The following B4GALNT3 variants were observed in gnomAD, a reference collection of about 807,000 sequenced individuals.
B4GALNT3 encodes the protein beta-1,4-N-acetylgalactosaminyltransferase 3.
A neutral mutation model predicts 120.2 loss-of-function variants in B4GALNT3; 86 were observed. The ratio of observed to expected loss-of-function variants is 0.72; its 90% confidence interval spans 0.60 to 0.86. The LOEUF is 0.86. Among genes scored for constraint, B4GALNT3 ranks in the 40% least tolerant of loss-of-function variants. The probability of loss-of-function intolerance (pLI) is 0.00; values close to 1 mark genes in which losing one functional copy is unlikely to be tolerated. For synonymous variants in B4GALNT3, 518 were observed against 510.4 expected, an observed-to-expected ratio of 1.01 and a Z score of -0.20; for missense variants, 1,167 against 1,298.9, an observed-to-expected ratio of 0.90 and a Z score of 1.56.
At chr12:522,914 A>G (rs931284296) in intron 1 of B4GALNT3, among the ~76,000 whole-genome samples, 38 of 139,072 alleles carry the variant, frequency 2.7e-4, no homozygotes, top group African/African-American at 9.2e-4. Context: ...TCTGCACTCC[A>G]GCTGGGTGAC....
In B4GALNT3 at chr12:534,344, G is replaced by T. The variant is rs530116228; in HGVS notation, c.170-822G>T. On this transcript the variant is annotated intron_variant, in intron 1 of 19. Transcript: ENST00000266383. ...TATCCAAAGCCCAGCAATCTCCTCT[G>T]AGATGGGAGTCCCAGCCCTCGGGAG... is the stretch of plus-strand genomic sequence containing the variant. Among the ~76,000 whole-genome samples the T allele has an allele frequency of 1.1e-4, 17 of 152,292 alleles. No individual in the cohort carries two copies. In the South Asian group the frequency reaches 3.5e-3, roughly 32 times the overall value.
At position 553,499 on chromosome 12, in the gene B4GALNT3, T is replaced by G. The variant is rs1208167242; in HGVS notation, c.1576T>G (p.Ser526Ala). The change falls in exon 14 of 20, where the codon TCA (serine) becomes GCA (alanine). Residue 526 changes from serine (S) to alanine (A), a missense_variant. Transcript: ENST00000266383. ...QKPSPEPSQD[S>A]PHSDKWPPGH... Reference sequence around the variant, plus strand: ...ACCCAGCCCTGAGCCCAGCCAAGATTCACCTCATTCCGACAAGTGGCCTCC... The same window carrying G: ...ACCCAGCCCTGAGCCCAGCCAAGATGCACCTCATTCCGACAAGTGGCCTCC... The G allele has an allele frequency of 6.2e-7, 1 of 1,614,088 alleles. No homozygotes were observed. Among genetic ancestry groups the G allele is most frequent in the Non-Finnish European group, 8.5e-7 (1 of 1,180,016 alleles).
intron 1 of B4GALNT3, among the ~76,000 whole-genome samples, chr12:514,834 G>C (rs1357915927): frequency 6.6e-6 from 1 of 151,978 alleles, no homozygotes; most frequent in African/African-American, 2.4e-5. Flanking sequence ...CTCGAGACCA[G>C]CCTGGCCAAC....
intron 5 of B4GALNT3, 27 bp from the exon 6 acceptor site, chr12:545,342 C>G (rs771430302): frequency 6.3e-7 from 1 of 1,595,320 alleles, no homozygotes; most frequent in South Asian, 1.1e-5. Flanking sequence ...TCCTTGCCCT[C>G]ATCTGGAAAC....
At chr12:507,922 G>T (rs1188034233) in intron 1 of B4GALNT3, among the ~76,000 whole-genome samples, 3 of 152,132 alleles carry the variant, frequency 2.0e-5, no homozygotes, top group Non-Finnish European at 2.9e-5. Context: ...GTGGACACCT[G>T]CCCCTGGAAA....
intron 1 of B4GALNT3, among the ~76,000 whole-genome samples, chr12:478,273 TTAG>T (rs1946204072): frequency 2.4e-5 from 1 of 42,252 alleles, no homozygotes; most frequent in Non-Finnish European, 4.3e-5. Context: ...AAAAAAAAAA[TTAG>T]AGGAGGTAAA....
intron 7 of B4GALNT3, among the ~76,000 whole-genome samples, chr12:547,655 AC>A: frequency 6.6e-6 from 1 of 152,074 alleles, no homozygotes. Flanking sequence ...CTGGCAGACT[AC>A]CCAAGCCTTC....
rs1168284996 is a variant in B4GALNT3 at position 460,669 on chromosome 12, G to T, written c.169+124G>T. ...TTTCCCACCCATTTCTCCCTCAGGTGCCCGGCGTCGCCCCGCGCGTACTCG... is the reference window on the plus strand; with the variant it reads ...TTTCCCACCCATTTCTCCCTCAGGTTCCCGGCGTCGCCCCGCGCGTACTCG... On this transcript the variant is annotated intron_variant, in intron 1 of 19. Transcript: ENST00000266383. This position sits in a 1 kb window ranked among gnomAD's most constrained non-coding sequence, Gnocchi z 8.0. 10 of 983,298 alleles carry T rather than the reference G, an allele frequency of 1.0e-5. No individual in the cohort carries two copies. The highest frequency in any genetic ancestry group is 1.1e-5 in the Non-Finnish European group (8 of 757,056). 60.9% of individuals were successfully genotyped at this position (983,298 alleles called of 1,614,324 possible). A position where few individuals can be genotyped will look rare whatever the true frequency, so the allele number is the denominator to read the frequency against.
At chr12:537,630 T>C (rs1411792585) in intron 3 of B4GALNT3, among the ~76,000 whole-genome samples, 1 of 152,210 alleles carries the variant, frequency 6.6e-6, no homozygotes, top group East Asian at 1.9e-4. Context: ...TTACCTTGAG[T>C]AAATAAATCG....
chr12:535,290 T>C (rs1260120862), intron 2 of B4GALNT3, 21 bp downstream of exon 2: 1 of 1,605,304 alleles, frequency 6.2e-7, no homozygotes, highest in African/African-American at 1.3e-5. Flanking sequence ...AGCCAGTCCA[T>C]TGTCCCTGCT....
intron 1 of B4GALNT3, among the ~76,000 whole-genome samples, chr12:503,893 T>A (rs532654291): frequency 6.7e-4 from 102 of 152,178 alleles, no homozygotes; most frequent in Non-Finnish European, 1.3e-3. Context: ...GGTGGGTGGA[T>A]TGCCTGAGGT....
intron 9 of B4GALNT3, 34 bp from the exon 10 acceptor site, chr12:549,735 A>G: frequency 2.5e-6 from 4 of 1,613,270 alleles, no homozygotes; most frequent in Non-Finnish European, 3.4e-6. Context: ...TCCAGGCCAC[A>G]CAGCCTCCTG....
chr12:559,750 A>ATCC (rs1404073940), intron 19 of B4GALNT3, among the ~76,000 whole-genome samples: 1 of 152,112 alleles, frequency 6.6e-6, no homozygotes, highest in East Asian at 1.9e-4. Flanking sequence ...GAGAGACTGC[A>ATCC]TCCTCCCCAG....
At position 460,161 on chromosome 12, in the gene B4GALNT3, C is replaced by G. The variant is rs1443307441; in HGVS notation, c.-216C>G. 6.6e-6 allele frequency among the ~76,000 whole-genome samples: 1 copy of G among 150,704 alleles called. No homozygotes were observed. Among genetic ancestry groups the G allele is most frequent in the African/African-American group, 2.4e-5 (1 of 41,284 alleles). On this transcript the variant is annotated 5_prime_UTR_variant, in exon 1 of 20. Coordinates refer to ENST00000266383, the MANE Select transcript of B4GALNT3 (RefSeq NM_173593.4). The surrounding 1 kb of genome is among the most constrained non-coding windows in gnomAD (Gnocchi z 8.0). ...CGGAGGAGGAGCCGGGCTCGGCTCCCGGAGAGACCTGCTGGGCGCCCGCGC... is the reference window on the plus strand; with the variant it reads ...CGGAGGAGGAGCCGGGCTCGGCTCCGGGAGAGACCTGCTGGGCGCCCGCGC...
At chr12:473,847 C>T (rs1946159624) in intron 1 of B4GALNT3, among the ~76,000 whole-genome samples, 2 of 152,118 alleles carry the variant, frequency 1.3e-5, no homozygotes, top group African/African-American at 2.4e-5. Flanking sequence ...CGTAAACAAA[C>T]AGATCGGGAT....
chr12:549,877 T>G lies in B4GALNT3; in HGVS notation c.962T>G (p.Met321Arg). The G allele has an allele frequency of 6.2e-7, 1 of 1,613,538 alleles. No homozygotes were observed. Among genetic ancestry groups the G allele is most frequent in the Non-Finnish European group, 8.5e-7 (1 of 1,179,990 alleles). ...LPRDEQPPAD[M>R]LRPDPRDTLY... ...AGGGATGAGCAGCCGCCCGCTGACATGCTTCGGCCTGACCCCCGGGACACC... is the reference window on the plus strand; with the variant it reads ...AGGGATGAGCAGCCGCCCGCTGACAGGCTTCGGCCTGACCCCCGGGACACC... Residue 321 changes from methionine to arginine, a missense_variant, in exon 10 of 20, where the codon ATG becomes AGG. Physicochemically the swap from Met to Arg is moderately conservative, Grantham distance 91. Around this residue, in one of 3 missense-constraint regions of B4GALNT3, gnomAD observed 983 missense variants for 1,102.5 expected, o/e 0.89. Transcript: ENST00000266383.
intron 1 of B4GALNT3, among the ~76,000 whole-genome samples, chr12:464,281 G>A (rs7310779): frequency 0.73 from 111,611 of 152,164 alleles, 42,273 homozygotes; most frequent in Non-Finnish European, 0.83. Flanking sequence ...GTTTTCACAA[G>A]TTATATACCC....
At chr12:543,575 T>C (rs75339684) in intron 3 of B4GALNT3, among the ~76,000 whole-genome samples, 6 of 66,508 alleles carry the variant, frequency 9.0e-5, no homozygotes, top group Admixed American at 3.1e-4. Flanking sequence ...GGAGCTGGGA[T>C]GGGCATGGGG....
chr12:467,367 C>T (rs907857817), intron 1 of B4GALNT3, among the ~76,000 whole-genome samples: 7 of 152,020 alleles, frequency 4.6e-5, no homozygotes, highest in Non-Finnish European at 7.4e-5. Context: ...GAGACCAGCC[C>T]GGCCAACATG....
Sources: gnomAD v4.1 joint callset for allele counts (sites outside exome capture counted in the v4.1 genomes callset) on GRCh38, gnomAD v4.1.1 for gene constraint, gnomAD v4.1.1 regional missense constraint, Gnocchi (gnomAD v3.1) non-coding constraint, MANE v1.5 for transcripts, NCBI Gene and HGNC (gene_info 2026-07-23, HGNC 2026-07-21) for gene names.